The following PRDM16 variants were observed in gnomAD, a reference collection of about 807,000 sequenced individuals.
PRDM16 encodes histone-lysine N-methyltransferase PRDM16.
A neutral mutation model predicts 110.6 loss-of-function variants in PRDM16; 23 were observed. That is an observed-to-expected ratio of 0.21 (90% CI 0.15 to 0.29). PRDM16 has a LOEUF of 0.29. PRDM16 is among the 10% of genes least tolerant of loss of function. PRDM16 has a pLI of 1.00. For synonymous variants in PRDM16, 799 were observed against 781.8 expected (o/e 1.02, Z -0.37); for missense variants, 1,615 against 1,794.3 (o/e 0.90, Z 1.81).
chr1:3,409,061 C>T (rs963264032), intron 8 of PRDM16, among the ~76,000 whole-genome samples: 12 of 129,170 alleles, frequency 9.3e-5, no homozygotes, highest in East Asian at 2.5e-4. Context: ...GTGCGTGTGT[C>T]GGCGCACGTG....
At position 3,359,902 on chromosome 1, in the gene PRDM16, C is replaced by T. The variant is rs979407677; in HGVS notation, c.439-25250C>T. On this transcript the variant is annotated intron_variant, in intron 3 of 16. Coordinates refer to ENST00000270722, the MANE Select transcript of PRDM16 (RefSeq NM_022114.4). The surrounding 1 kb of genome is among the most constrained non-coding windows in gnomAD (Gnocchi z 4.3). ...GCAGGATCTCTTGGAAGACGGATGC[C>T]GTGTGCACGCAAAGACGGCAGCCAG... is the stretch of plus-strand genomic sequence containing the variant. Among the ~76,000 whole-genome samples, 24 of 152,200 alleles carry T rather than the reference C, an allele frequency of 1.6e-4. No homozygotes were observed. The highest frequency in any genetic ancestry group is 5.8e-4 in the African/African-American group (24 of 41,454).
rs1318242357 is a variant in PRDM16, at chr1:3,431,985, G to A, written c.3541G>A (p.Gly1181Ser). Residue 1181 changes from glycine to serine, a missense_variant, in exon 16 of 17, where the codon GGC (glycine) becomes AGC (serine). Around this residue, in one of 5 missense-constraint regions of PRDM16, gnomAD observed 327 missense variants for 359.3 expected, o/e 0.91. Transcript: ENST00000270722. ...HTRRCAEDHE[G>S]GLLALEPMPT... ...GTGCAGGTGTGCTGAGGACCACGAAGGCGGTCTGTTAGCTTTGGAGCCGAT... is the reference window on the plus strand; with the variant it reads ...GTGCAGGTGTGCTGAGGACCACGAAAGCGGTCTGTTAGCTTTGGAGCCGAT... The A allele has an allele frequency of 6.2e-7, 1 of 1,613,640 alleles. No individual in the cohort carries two copies. Among genetic ancestry groups the A allele is most frequent in the African/African-American group, 1.3e-5 (1 of 75,058 alleles).
intron 2 of PRDM16, among the ~76,000 whole-genome samples, chr1:3,236,086 G>T (rs1639533242): frequency 6.6e-6 from 1 of 152,090 alleles, no homozygotes; most frequent in African/African-American, 2.4e-5. Flanking sequence ...ATCCCTGCAG[G>T]CGCCACCCTC....
chr1:3,338,018 C>T (rs574149311), intron 3 of PRDM16, among the ~76,000 whole-genome samples: 2 of 152,234 alleles, frequency 1.3e-5, no homozygotes, highest in African/African-American at 4.8e-5. Context: ...TGAATACACA[C>T]AGACACATGT....
chr1:3,094,296 C>A (rs1642343130), intron 1 of PRDM16, among the ~76,000 whole-genome samples: 1 of 152,236 alleles, frequency 6.6e-6, no homozygotes, highest in African/African-American at 2.4e-5. Flanking sequence ...CAGGTGGCTC[C>A]TAAGCACCCC....
chr1:3,370,861 C>A lies in PRDM16; in HGVS notation c.439-14291C>A, dbSNP rs1186133833. Among the ~76,000 whole-genome samples, 2 of 151,728 alleles carry A rather than the reference C, an allele frequency of 1.3e-5. No individual in the cohort carries two copies. Among genetic ancestry groups the A allele is most frequent in the Non-Finnish European group, 2.9e-5 (2 of 67,914 alleles). On this transcript the variant is annotated intron_variant, in intron 3 of 16. Transcript: ENST00000270722. This position sits in a 1 kb window ranked among gnomAD's most constrained non-coding sequence, Gnocchi z 4.8. ...CCATCCGTCCACCCACCCATCCATC[C>A]ATTAATTATCCATCCACCCACCCAT... is the stretch of plus-strand genomic sequence containing the variant.
Position 3,069,520 on chromosome 1 carries a change from CG to C in PRDM16, c.37+226del, listed in dbSNP as rs1344164096. On this transcript the variant is annotated intron_variant, in intron 1 of 16. Coordinates refer to ENST00000270722, the MANE Select transcript of PRDM16 (RefSeq NM_022114.4). This position sits in a 1 kb window ranked among gnomAD's most constrained non-coding sequence, Gnocchi z 6.1. Reference sequence around the variant, plus strand: ...CGGGCCGCGCGCTCCCCGAAGGCGCCGGCCCCCTCCCCGCGGAACCCCCTCC... The same window carrying C: ...CGGGCCGCGCGCTCCCCGAAGGCGCCGCCCCCTCCCCGCGGAACCCCCTCC... Among the ~76,000 whole-genome samples the C allele has an allele frequency of 1.0e-4, 15 of 147,720 alleles. No homozygotes were observed. Among genetic ancestry groups the C allele is most frequent in the Non-Finnish European group, 1.5e-4 (10 of 66,348 alleles).
At chr1:3,409,158 A>T (rs549914581) in intron 8 of PRDM16, among the ~76,000 whole-genome samples, 6,946 of 112,150 alleles carry the variant, frequency 0.062, 284 homozygotes, top group African/African-American at 0.17. Context: ...GGTGTGTGTG[A>T]GTGAGTGTGG....
At position 3,435,998 on chromosome 1, in the gene PRDM16, G is replaced by C. The variant is rs764242149; in HGVS notation, c.*2187G>C. ...CAGCTGGCGTGTCGGGAAGGATCCAGGATCTGCAAACACAACTGCTCAGGC... is the reference window on the plus strand; with the variant it reads ...CAGCTGGCGTGTCGGGAAGGATCCACGATCTGCAAACACAACTGCTCAGGC... On this transcript the variant is annotated 3_prime_UTR_variant, in exon 17 of 17. Transcript: ENST00000270722. 127 of 230,778 alleles carry C rather than the reference G, an allele frequency of 5.5e-4. 1 individual carries two copies. Among genetic ancestry groups the C allele is most frequent in the Non-Finnish European group, 6.0e-4 (70 of 116,524 alleles). 14.3% of individuals were successfully genotyped at this position (230,778 alleles called of 1,614,324 possible).
intron 3 of PRDM16, among the ~76,000 whole-genome samples, chr1:3,324,426 C>T (rs552423877): frequency 2.6e-5 from 4 of 152,226 alleles, no homozygotes; most frequent in African/African-American, 7.2e-5. Context: ...ACACTCCCCG[C>T]GATGCTCCTG....
chr1:3,415,333 C>T (rs748366838), intron 10 of PRDM16, among the ~76,000 whole-genome samples: 5 of 152,256 alleles, frequency 3.3e-5, no homozygotes, highest in Non-Finnish European at 7.3e-5. Flanking sequence ...TTCCGCAGCG[C>T]CATGGGCTGC....
At chr1:3,280,601 A>G (rs1157439410) in intron 3 of PRDM16, among the ~76,000 whole-genome samples, 1 of 152,214 alleles carries the variant, frequency 6.6e-6, no homozygotes, top group Non-Finnish European at 1.5e-5. Context: ...GGCAGCTGGA[A>G]GAACCCACCT....
intron 1 of PRDM16, among the ~76,000 whole-genome samples, chr1:3,147,532 A>T (rs1643699645): frequency 6.6e-6 from 1 of 152,226 alleles, no homozygotes; most frequent in Non-Finnish European, 1.5e-5. Flanking sequence ...TCTTTGAGAA[A>T]TGGGATCTCC....
chr1:3,350,422 G>A lies in PRDM16; in HGVS notation c.439-34730G>A, dbSNP rs956953056. 6.6e-6 allele frequency among the ~76,000 whole-genome samples: 1 copy of A among 152,172 alleles called. No individual in the cohort carries two copies. Among genetic ancestry groups the A allele is most frequent in the Non-Finnish European group, 1.5e-5 (1 of 68,018 alleles). ...AAGCCACCCCCTCTTTCCCTCCTGG[G>A]CTCTACTGCTCCGTCTGTGCAGCCT... On this transcript the variant is annotated intron_variant, in intron 3 of 16. Transcript: ENST00000270722. The surrounding 1 kb of genome is among the most constrained non-coding windows in gnomAD (Gnocchi z 7.1).
At chr1:3,133,975 T>A (rs968925371) in intron 1 of PRDM16, among the ~76,000 whole-genome samples, 2 of 152,080 alleles carry the variant, frequency 1.3e-5, no homozygotes, top group Non-Finnish European at 2.9e-5. Flanking sequence ...AGAAGGAGGC[T>A]AGAGTTTTAC....
At chr1:3,146,913 TG>T (rs140458646) in intron 1 of PRDM16, among the ~76,000 whole-genome samples, 21,065 of 47,962 alleles carry the variant, frequency 0.44, 4,859 homozygotes, top group African/African-American at 0.69. Flanking sequence ...GTGCTCAGTG[TG>T]GGGGGGTGTG....
intron 3 of PRDM16, among the ~76,000 whole-genome samples, chr1:3,257,159 C>T (rs10909911): frequency 0.02 from 3,039 of 152,294 alleles, 115 homozygotes; most frequent in African/African-American, 0.069. Context: ...TGGCAGGCCG[C>T]GGAGGGCTCT....
Position 3,405,477 on chromosome 1 carries a change from C to T in PRDM16, c.1033-18C>T, listed in dbSNP as rs371240361. 3.7e-5 allele frequency: 58 copies of T among 1,548,774 alleles called. No homozygotes were observed. Among genetic ancestry groups the T allele is most frequent in the Middle Eastern group, 1.7e-4 (1 of 5,768 alleles). ...GGTGTCCAGGCAGGGCACGCGCCAA[C>T]GGCATCCGTCTCCCCAGGTGTTCAC... On this transcript the variant is annotated intron_variant, in intron 7 of 16. Coordinates refer to ENST00000270722, the MANE Select transcript of PRDM16 (RefSeq NM_022114.4).
intron 1 of PRDM16, among the ~76,000 whole-genome samples, chr1:3,115,516 G>A (rs2100651310): frequency 6.6e-6 from 1 of 152,368 alleles, no homozygotes; most frequent in South Asian, 2.1e-4. Flanking sequence ...TGGAGCGCCA[G>A]CCTAGCGAGT....
Sources: gnomAD v4.1 joint callset for allele counts (sites outside exome capture counted in the v4.1 genomes callset) on GRCh38, gnomAD v4.1.1 for gene constraint, gnomAD v4.1.1 regional missense constraint, Gnocchi (gnomAD v3.1) non-coding constraint, MANE v1.5 for transcripts, NCBI Gene and HGNC (gene_info 2026-07-23, HGNC 2026-07-21) for gene names.